CPM: variants seen among roughly 807,000 people sequenced by gnomAD.
The protein encoded by CPM is renal carboxypeptidase.
CPM carries 35 observed loss-of-function variants against 46.4 expected under a neutral mutation model. That is an observed-to-expected ratio of 0.75 (90% CI 0.58 to 1.00). The LOEUF is 1.00. CPM is among the 50% of genes least tolerant of loss of function. The pLI, the probability that CPM is intolerant of heterozygous loss-of-function variation, is 0.00. For missense variants in CPM, 422 were observed against 530.4 expected (o/e 0.80, Z 2.01); for synonymous variants, 195 against 195.3 (o/e 1.00, Z 0.01).
intron 7 of CPM, among the ~76,000 whole-genome samples, chr12:68,865,449 C>T (rs1248092416): frequency 1.3e-5 from 2 of 152,174 alleles, no homozygotes; most frequent in African/African-American, 4.8e-5. Context: ...AGGAAGGGTC[C>T]TAATCATCCT....
chr12:68,882,032 T>TG (rs1189183066), intron 3 of CPM, among the ~76,000 whole-genome samples: 1 of 151,208 alleles, frequency 6.6e-6, no homozygotes. Flanking sequence ...TGCTTTTTTT[T>TG]TTTTTTTTTT....
intron 7 of CPM, among the ~76,000 whole-genome samples, chr12:68,863,033 C>G (rs897242677): frequency 1.3e-5 from 2 of 152,142 alleles, no homozygotes; most frequent in African/African-American, 4.8e-5. Flanking sequence ...TGGGCAAGCA[C>G]TAGAATTCTG....
At chr12:68,913,545 C>T (rs1030226827) in intron 2 of CPM, among the ~76,000 whole-genome samples, 2 of 152,092 alleles carry the variant, frequency 1.3e-5, no homozygotes, top group Non-Finnish European at 2.9e-5. Context: ...CAATTTTGAT[C>T]AGTTTTAGAG....
intron 1 of CPM, among the ~76,000 whole-genome samples, chr12:68,944,474 G>C (rs1007001457): frequency 2.0e-5 from 3 of 152,146 alleles, no homozygotes; most frequent in Non-Finnish European, 4.4e-5. Flanking sequence ...TATAATCATA[G>C]CTCACTGAAG....
intron 3 of CPM, among the ~76,000 whole-genome samples, chr12:68,884,291 G>A (rs1886339103): frequency 6.6e-6 from 1 of 152,102 alleles, no homozygotes; most frequent in South Asian, 2.1e-4. Context: ...AGCCGCCCGT[G>A]ATGCTCAAAA....
At chr12:68,870,501 C>T (rs944849479) in intron 4 of CPM, 102 bp from the exon 5 acceptor site, 40 of 1,020,568 alleles carry the variant, frequency 3.9e-5, no homozygotes, top group Non-Finnish European at 4.9e-5. Flanking sequence ...TCTTTCCAAA[C>T]GTGAGTATGG....
At position 68,856,509 on chromosome 12, in the gene CPM, T is replaced by A. The variant is rs755166143; in HGVS notation, c.1260A>T (p.Pro420=). 6.2e-7 allele frequency: 1 copy of A among 1,614,244 alleles called. No homozygotes were observed. Among genetic ancestry groups the A allele is most frequent in the Non-Finnish European group, 8.5e-7 (1 of 1,180,034 alleles). ...CPMIPLYRNL[P]DHSAATKPSL... ...TAGGCTTTGTTGCAGCTGAGTGGTCTGGCAAATTTCTGTATAGAGGAATCA... is the reference window on the plus strand; with the variant it reads ...TAGGCTTTGTTGCAGCTGAGTGGTCAGGCAAATTTCTGTATAGAGGAATCA... Residue 420 remains proline, a synonymous_variant, in exon 9 of 9, where the codon CCA becomes CCT. Transcript: ENST00000551568.
chr12:68,848,216 T>C (rs1337281295), downstream of CPM: 1 of 152,282 alleles, frequency 6.6e-6, no homozygotes, highest in East Asian at 1.9e-4. Flanking sequence ...GGCGTCTTGC[T>C]CTGTTGCCCA....
At chr12:68,862,942 G>C (rs995024641) in intron 7 of CPM, among the ~76,000 whole-genome samples, 1 of 152,072 alleles carries the variant, frequency 6.6e-6, no homozygotes, top group Non-Finnish European at 1.5e-5. Context: ...TCTGTGGCCA[G>C]ATGGGGAGAT....
At chr12:68,908,376 A>T (rs1224533456) in intron 2 of CPM, among the ~76,000 whole-genome samples, 1 of 149,732 alleles carries the variant, frequency 6.7e-6, no homozygotes, top group Non-Finnish European at 1.5e-5. Context: ...TATGACCTGA[A>T]TCTACTCCAC....
chr12:68,959,303 A>G (rs1381613702), intron 1 of CPM, among the ~76,000 whole-genome samples: 1 of 152,208 alleles, frequency 6.6e-6, no homozygotes, highest in Non-Finnish European at 1.5e-5. Context: ...ATAGACTGCA[A>G]CCTAAATGAT....
At chr12:68,955,274 T>C (rs1286634419) in intron 1 of CPM, among the ~76,000 whole-genome samples, 1 of 152,198 alleles carries the variant, frequency 6.6e-6, no homozygotes, top group Non-Finnish European at 1.5e-5. Context: ...ATTGTGGATA[T>C]AATTTTAAAT....
intron 2 of CPM, among the ~76,000 whole-genome samples, chr12:68,927,131 A>G (rs1161670934): frequency 1.3e-5 from 2 of 151,784 alleles, no homozygotes; most frequent in Admixed American, 6.6e-5. Context: ...TCCCTGAGGA[A>G]TCGCCACACT....
intron 4 of CPM, 165 bp downstream of exon 4, chr12:68,871,619 C>T (rs539625727): frequency 2.6e-5 from 19 of 717,304 alleles, no homozygotes; most frequent in African/African-American, 3.5e-5. Context: ...TCCTGCAAGC[C>T]GGAGGCAGCC....
intron 7 of CPM, among the ~76,000 whole-genome samples, chr12:68,860,886 CTTT>C (rs879812846): frequency 7.0e-6 from 1 of 143,688 alleles, no homozygotes. Context: ...CTTTCTTCTT[CTTT>C]TTTTTTTTTT....
At chr12:68,955,157 G>C (rs1278229128) in intron 1 of CPM, among the ~76,000 whole-genome samples, 1 of 152,216 alleles carries the variant, frequency 6.6e-6, no homozygotes, top group Non-Finnish European at 1.5e-5. Flanking sequence ...ACGAGCCCAG[G>C]AGGCCCGAGT....
chr12:68,949,256 A>C (rs999051110), intron 1 of CPM, among the ~76,000 whole-genome samples: 2 of 152,230 alleles, frequency 1.3e-5, no homozygotes, highest in Non-Finnish European at 2.9e-5. Flanking sequence ...CTGTGGTCCC[A>C]GCTACTCAGG....
chr12:68,850,925 C>T (rs988360550), downstream of CPM, among the ~76,000 whole-genome samples: 6 of 152,048 alleles, frequency 3.9e-5, no homozygotes, highest in Non-Finnish European at 7.4e-5. Flanking sequence ...GTCCATGGAA[C>T]ACACTGCCCC....
At chr12:68,844,335 C>T (rs1884077458) in intron 5 of CPM, 1 of 223,552 alleles carries the variant, frequency 4.5e-6, no homozygotes, top group Non-Finnish European at 8.9e-6. Context: ...ATACAAATAT[C>T]ACTGGGCAGC....
Sources: gnomAD v4.1 joint callset for allele counts (sites outside exome capture counted in the v4.1 genomes callset) on GRCh38, gnomAD v4.1.1 for gene constraint, MANE v1.5 for transcripts, NCBI Gene and HGNC (gene_info 2026-07-23, HGNC 2026-07-21) for gene names.